Variants in LAMA2 observed in about 807,000 individuals in gnomAD.
LAMA2 encodes laminin subunit alpha 2.
Under a neutral mutation model 364.8 loss-of-function variants are expected in LAMA2, and 269 were observed. That is an observed-to-expected ratio of 0.74 (90% CI 0.67 to 0.82). The LOEUF is 0.82. Among genes scored for constraint, LAMA2 ranks in the 40% least tolerant of loss-of-function variants. The probability of loss-of-function intolerance (pLI) is 0.00; values close to 1 mark genes in which losing one functional copy is unlikely to be tolerated. For missense variants in LAMA2, 3,807 were observed against 3,873.2 expected, an observed-to-expected ratio of 0.98 and a Z score of 0.45; for synonymous variants, 1,379 against 1,370.6, an observed-to-expected ratio of 1.01 and a Z score of -0.14.
Position 129,402,458 on chromosome 6 carries a change from G to A in LAMA2, c.5697G>A (p.Gln1899=). 1 of 1,614,168 alleles carries A rather than the reference G, an allele frequency of 6.2e-7. No homozygotes were observed. The highest frequency in any genetic ancestry group is 8.5e-7 in the Non-Finnish European group (1 of 1,180,024). The stretch of plus-strand genomic sequence containing the variant: ...CCCAGGCTGAGAGCCACGCAGCTCA[G>A]TTGAATGACTCATCTGCTGTCCTTG... ...KVSQAESHAA[Q]LNDSSAVLDG... is the part of the protein sequence containing the mutation. Residue 1899 remains glutamine, a synonymous_variant, in exon 39 of 65, where the codon CAG becomes CAA. Coordinates refer to ENST00000421865, the MANE Select transcript of LAMA2 (RefSeq NM_000426.4).
chr6:129,208,568 A>G (rs376248151), intron 12 of LAMA2, among the ~76,000 whole-genome samples: 9 of 135,594 alleles, frequency 6.6e-5, no homozygotes, highest in Admixed American at 1.4e-4. Context: ...AAGAAAGAGA[A>G]AGAAAGAGAA....
intron 2 of LAMA2, among the ~76,000 whole-genome samples, chr6:129,055,660 T>G (rs1276670019): frequency 6.6e-6 from 1 of 152,164 alleles, no homozygotes; most frequent in Non-Finnish European, 1.5e-5. Flanking sequence ...TTCCACAAAT[T>G]CAGTGAACTC....
rs771046502 is a variant in LAMA2, at chr6:129,401,345, G to C, written c.5562+5G>C. ...GAAATCAACTCCATCATAGACGTGAGTATTGGGTAAAACTCAAAAGAGAGA... is the reference window on the plus strand; with the variant it reads ...GAAATCAACTCCATCATAGACGTGACTATTGGGTAAAACTCAAAAGAGAGA... On this transcript the variant is annotated splice_donor_5th_base_variant and intron_variant, in intron 38 of 64. Coordinates refer to ENST00000421865, the MANE Select transcript of LAMA2 (RefSeq NM_000426.4). 88 of 1,530,258 alleles carry C rather than the reference G, an allele frequency of 5.8e-5. No homozygotes were observed. The highest frequency in any genetic ancestry group is 7.3e-5 in the Non-Finnish European group (81 of 1,104,488). The allele number at this position is 1,530,258 out of a possible 1,614,324, so 94.8% of individuals were successfully genotyped here.
intron 22 of LAMA2, among the ~76,000 whole-genome samples, chr6:129,302,206 TTTTTAA>T (rs1331359160): frequency 6.6e-6 from 1 of 152,144 alleles, no homozygotes; most frequent in African/African-American, 2.4e-5. Context: ...TTTTAACCCT[TTTTTAA>T]TTTTAAGAAT....
chr6:128,969,973 CAG>C (rs530000567), intron 1 of LAMA2, among the ~76,000 whole-genome samples: 309 of 152,184 alleles, frequency 2.0e-3, no homozygotes, highest in African/African-American at 7.0e-3. Context: ...TAATAGAAAA[CAG>C]AATCTGGGTT....
chr6:129,438,842 T>A, intron 42 of LAMA2, 80 bp downstream of exon 42: 1 of 799,496 alleles, frequency 1.3e-6, no homozygotes, highest in East Asian at 2.5e-5. Flanking sequence ...CATTTTTTTC[T>A]AAGATTATTC....
intron 12 of LAMA2, 64 bp from the exon 13 acceptor site, chr6:129,250,048 A>C (rs1583338315): frequency 3.1e-6 from 3 of 982,492 alleles, no homozygotes; most frequent in East Asian, 4.8e-5. Flanking sequence ...TACAACAGTA[A>C]GTAAAATATG....
chr6:129,016,697 G>C (rs1189457114), intron 1 of LAMA2, among the ~76,000 whole-genome samples: 1 of 151,804 alleles, frequency 6.6e-6, no homozygotes, highest in African/African-American at 2.4e-5. Flanking sequence ...AGATAGGGAG[G>C]ATTCTTAGTA....
At position 129,219,458 on chromosome 6, in the gene LAMA2, C is replaced by T. The variant is rs575002342; in HGVS notation, c.1782+26605C>T. Among the ~76,000 whole-genome samples the T allele has an allele frequency of 1.5e-4, 22 of 151,690 alleles. No individual in the cohort carries two copies. The East Asian group carries it at 4.1e-3, about 28-fold the overall frequency. On this transcript the variant is annotated intron_variant, in intron 12 of 64. Coordinates refer to ENST00000421865, the MANE Select transcript of LAMA2 (RefSeq NM_000426.4). ...TCTAGAACTTGAAATACCATTTGAC[C>T]CAGCCATCCCATTACTGGGTATGTA...
At chr6:129,013,369 G>T (rs371784677) in intron 1 of LAMA2, among the ~76,000 whole-genome samples, 1 of 152,090 alleles carries the variant, frequency 6.6e-6, no homozygotes, top group South Asian at 2.1e-4. Flanking sequence ...CCCGGGAGGC[G>T]GAGCCTGCAG....
At chr6:129,342,312 A>T in intron 29 of LAMA2, 31 bp from the exon 30 acceptor site, 1 of 1,606,138 alleles carries the variant, frequency 6.2e-7, no homozygotes, top group Non-Finnish European at 8.5e-7. Flanking sequence ...ACTAAATTAA[A>T]AACAAACTTC....
At chr6:128,917,081 G>A (rs1473507558) in intron 1 of LAMA2, among the ~76,000 whole-genome samples, 1 of 150,446 alleles carries the variant, frequency 6.6e-6, no homozygotes, top group East Asian at 2.0e-4. Context: ...TTCTCTTTGT[G>A]CTGGCTTTCT....
chr6:129,514,453 A>G lies in LAMA2; in HGVS notation c.9069A>G (p.Gly3023=). The change falls in exon 64 of 65, where the codon GGA becomes GGG. Residue 3023 remains glycine, a synonymous_variant. Transcript: ENST00000421865. Reference sequence around the variant, plus strand: ...GGGTTCCAGGGCATTTGTGTGATGGACAATGGCATAAAGTCACTGCCAACA... The same window carrying G: ...GGGTTCCAGGGCATTTGTGTGATGGGCAATGGCATAAAGTCACTGCCAACA... ...DAGVPGHLCD[G]QWHKVTANKI... is the part of the protein sequence containing the mutation. 1.2e-6 allele frequency: 2 copies of G among 1,614,006 alleles called. No individual in the cohort carries two copies. Among genetic ancestry groups the G allele is most frequent in the Non-Finnish European group, 1.7e-6 (2 of 1,179,932 alleles).
chr6:129,409,806 C>T (rs2114708525), intron 40 of LAMA2, among the ~76,000 whole-genome samples: 1 of 152,346 alleles, frequency 6.6e-6, no homozygotes, highest in African/African-American at 2.4e-5. Context: ...GTTTGCACAG[C>T]AGTCTGGACT....
chr6:129,486,597 T>A lies in LAMA2; in HGVS notation c.7873T>A (p.Ser2625Thr), dbSNP rs1267536632. The change falls in exon 56 of 65, where the codon TCC (serine) becomes ACC (threonine). Residue 2625 changes from serine to threonine, a missense_variant. By Grantham distance (58) the Ser-to-Thr change is moderately conservative. Transcript: ENST00000421865. Reference protein sequence around the residue: ...PNLFHDGREHSVHVERTRGIF... With the variant: ...PNLFHDGREHTVHVERTRGIF... ...TCTGTTTCATGATGGAAGAGAACATTCCGTTCATGTAGAGCGAACTAGAGG... is the reference window on the plus strand; with the variant it reads ...TCTGTTTCATGATGGAAGAGAACATACCGTTCATGTAGAGCGAACTAGAGG... The A allele has an allele frequency of 2.5e-6, 4 of 1,613,922 alleles. No homozygotes were observed. Among genetic ancestry groups the A allele is most frequent in the Non-Finnish European group, 3.4e-6 (4 of 1,179,842 alleles).
intron 4 of LAMA2, among the ~76,000 whole-genome samples, chr6:129,131,658 C>T (rs1252401833): frequency 1.3e-5 from 2 of 152,182 alleles, no homozygotes; most frequent in Admixed American, 6.5e-5. Flanking sequence ...ACAGAGCCAA[C>T]ATCCTACAAA....
At chr6:128,966,734 G>A (rs1363228186) in intron 1 of LAMA2, among the ~76,000 whole-genome samples, 1 of 152,038 alleles carries the variant, frequency 6.6e-6, no homozygotes, top group African/African-American at 2.4e-5. Context: ...AGAAAAAGCA[G>A]GTCAATGTGC....
At position 129,423,619 on chromosome 6, in the gene LAMA2, GT is replaced by G. The variant is rs1236498400; in HGVS notation, c.5866-4132del. Reference sequence around the variant, plus strand: ...TAAGTGAGCTTACCAATGTTATAAGGTACAACATCTATATGTGAAAATCAGT... The same window carrying G: ...TAAGTGAGCTTACCAATGTTATAAGGACAACATCTATATGTGAAAATCAGT... On this transcript the variant is annotated intron_variant, in intron 40 of 64. Coordinates refer to ENST00000421865, the MANE Select transcript of LAMA2 (RefSeq NM_000426.4). Among the ~76,000 whole-genome samples, 11 of 152,076 alleles carry G rather than the reference GT, an allele frequency of 7.2e-5. No individual in the cohort carries two copies. The East Asian group carries it at 2.1e-3, about 29-fold the overall frequency.
intron 15 of LAMA2, among the ~76,000 whole-genome samples, chr6:129,266,061 C>G (rs1484409795): frequency 6.6e-6 from 1 of 151,970 alleles, no homozygotes; most frequent in African/African-American, 2.4e-5. Flanking sequence ...AATTCTATAT[C>G]CTTTATTACT....
Sources: gnomAD v4.1 joint callset for allele counts (sites outside exome capture counted in the v4.1 genomes callset) on GRCh38, gnomAD v4.1.1 for gene constraint, MANE v1.5 for transcripts, NCBI Gene and HGNC (gene_info 2026-07-23, HGNC 2026-07-21) for gene names.